ABL1: variants seen among roughly 807,000 people sequenced by gnomAD.
The protein encoded by ABL1 is ABL proto-oncogene 1, non-receptor tyrosine kinase.
ABL1 carries 11 observed loss-of-function variants against 94.7 expected under a neutral mutation model. That is an observed-to-expected ratio of 0.12 (90% CI 0.07 to 0.19). ABL1 has a LOEUF of 0.19. Ranked by LOEUF, ABL1 falls within the 10% of genes least tolerant of loss-of-function variation. The probability of loss-of-function intolerance (pLI) is 1.00; values close to 1 mark genes in which losing one functional copy is unlikely to be tolerated. For missense variants in ABL1, 1,082 were observed against 1,489.4 expected, an observed-to-expected ratio of 0.73 and a Z score of 4.50; for synonymous variants, 656 against 622.4, an observed-to-expected ratio of 1.05 and a Z score of -0.80.
chr9:130,873,330 A>G (rs1831285170), intron 6 of ABL1, among the ~76,000 whole-genome samples: 1 of 152,254 alleles, frequency 6.6e-6, no homozygotes, highest in Non-Finnish European at 1.5e-5. Context: ...GGAATATTAA[A>G]TGAAGTTCAT....
At chr9:130,845,775 GTC>G (rs1357213555) in intron 1 of ABL1, among the ~76,000 whole-genome samples, 19 of 152,030 alleles carry the variant, frequency 1.2e-4, no homozygotes, top group Middle Eastern at 3.2e-3. Context: ...GTTTCAAAAA[GTC>G]TTTTGAGGAC....
In ABL1 at chr9:130,854,794, T is replaced by C; in HGVS notation, c.254-7T>C. ...TGATATGTCTGATTTGGTTCCTTTCTTCTCAGGTGAAAAGCTCCGGGTCTT... is the reference window on the plus strand; with the variant it reads ...TGATATGTCTGATTTGGTTCCTTTCCTCTCAGGTGAAAAGCTCCGGGTCTT... On this transcript the variant is annotated splice_region_variant and splice_polypyrimidine_tract_variant and intron_variant, in intron 2 of 10. Coordinates refer to ENST00000318560, the MANE Select transcript of ABL1 (RefSeq NM_005157.6). 6.2e-7 allele frequency: 1 copy of C among 1,610,402 alleles called. No individual in the cohort carries two copies. Among genetic ancestry groups the C allele is most frequent in the Non-Finnish European group, 8.5e-7 (1 of 1,177,164 alleles).
At chr9:130,844,533 C>T (rs1830731121) in intron 1 of ABL1, among the ~76,000 whole-genome samples, 1 of 151,512 alleles carries the variant, frequency 6.6e-6, no homozygotes, top group African/African-American at 2.4e-5. Flanking sequence ...GGGACAGGGA[C>T]TGTGTATCTT....
intron 1 of ABL1, among the ~76,000 whole-genome samples, chr9:130,792,802 G>A (rs150762702): frequency 1.8e-3 from 272 of 152,276 alleles, no homozygotes; most frequent in Non-Finnish European, 3.1e-3. Flanking sequence ...TAATCACTAA[G>A]TTAGAAAGTG....
At chr9:130,839,908 GA>G (rs1370763066) in intron 1 of ABL1, among the ~76,000 whole-genome samples, 2 of 152,172 alleles carry the variant, frequency 1.3e-5, no homozygotes, top group African/African-American at 4.8e-5. Flanking sequence ...AGCCAGTCTG[GA>G]CCCAAATGCC....
intron 10 of ABL1, among the ~76,000 whole-genome samples, chr9:130,881,897 A>C (rs561655219): frequency 2.6e-5 from 4 of 152,176 alleles, no homozygotes; most frequent in African/African-American, 7.2e-5. Flanking sequence ...ACAAAAAAAA[A>C]CAGAACATGC....
chr9:130,752,283 C>T (rs1300485630), intron 1 of ABL1, among the ~76,000 whole-genome samples: 1 of 152,158 alleles, frequency 6.6e-6, no homozygotes, highest in Admixed American at 6.5e-5. Context: ...TGTTATTTCA[C>T]TTCTGTAACC....
intron 1 of ABL1, among the ~76,000 whole-genome samples, chr9:130,749,187 C>T (rs1831924450): frequency 6.6e-6 from 1 of 152,036 alleles, no homozygotes; most frequent in Non-Finnish European, 1.5e-5. Context: ...TCAAGTTCAA[C>T]ACAGTAGCTT....
chr9:130,883,706 C>T (rs1252485270), intron 10 of ABL1, among the ~76,000 whole-genome samples: 3 of 152,134 alleles, frequency 2.0e-5, no homozygotes, highest in Non-Finnish European at 2.9e-5. Flanking sequence ...GCCAGCTAGC[C>T]GAGAGGCCTA....
In ABL1 at chr9:130,884,699, G is replaced by GTCCAGCCCGGGC. The variant is rs768951332; in HGVS notation, c.2419_2430dup (p.Gly807_Pro810dup). ...ATGAGGTCTTCAAAGACATCATGGA[G>GTCCAGCCCGGGC]TCCAGCCCGGGCTCCAGCCCGCCCA... On this transcript the variant is annotated inframe_insertion, in exon 11 of 11. Coordinates refer to ENST00000318560, the MANE Select transcript of ABL1 (RefSeq NM_005157.6). This position sits in a 1 kb window ranked among gnomAD's most constrained non-coding sequence, Gnocchi z 5.6. The GTCCAGCCCGGGC allele has an allele frequency of 3.7e-6, 6 of 1,612,708 alleles. No individual in the cohort carries two copies. The highest frequency in any genetic ancestry group is 1.3e-5 in the African/African-American group (1 of 75,052).
At position 130,835,653 on chromosome 9, in the gene ABL1, TCTTC is replaced by T. The variant is rs1315533671; in HGVS notation, c.79+130_79+133del. 58 of 555,134 alleles carry T rather than the reference TCTTC, an allele frequency of 1.0e-4. No homozygotes were observed. The highest frequency in any genetic ancestry group is 1.7e-4 in the Non-Finnish European group (56 of 327,938). 34.4% of individuals were successfully genotyped at this position (555,134 alleles called of 1,614,324 possible). A position where few individuals can be genotyped will look rare whatever the true frequency, so the allele number is the denominator to read the frequency against. On this transcript the variant is annotated intron_variant, in intron 1 of 10. Transcript: ENST00000318560. The surrounding 1 kb of genome is among the most constrained non-coding windows in gnomAD (Gnocchi z 4.6). ...CCCCGGGTCTTGTCTTTTTTTTCTT[TCTTC>T]CCTCTTCTCTTCTCTTCTCTTCAGT...
chr9:130,776,230 T>A lies in ABL1; in HGVS notation c.136+61775T>A, dbSNP rs150433589. 9.7e-3 allele frequency among the ~76,000 whole-genome samples: 1,484 copies of A among 152,316 alleles called. 10 individuals are homozygous for A. The highest frequency in any genetic ancestry group is 0.014 in the Non-Finnish European group (921 of 68,026). On this transcript the variant is annotated intron_variant, in intron 1 of 10. Coordinates refer to the ABL1 transcript ENST00000372348. ...GGCCTTGGGATAACAGAGCTAAACT[T>A]TAGAGTCCTGAGTCCTGTTAATACT...
Position 130,862,743 on chromosome 9 carries a change from C to G in ABL1, c.550-20C>G. ...CTTGCCTGTCTCTGTGGGCTGAAGG[C>G]TGTTCCCTGTTTCCTTCAGCTCTAC... On this transcript the variant is annotated intron_variant, in intron 3 of 10. Transcript: ENST00000318560. The surrounding 1 kb of genome is among the most constrained non-coding windows in gnomAD (Gnocchi z 5.5). The G allele has an allele frequency of 6.2e-7, 1 of 1,609,352 alleles. No individual in the cohort carries two copies. Among genetic ancestry groups the G allele is most frequent in the Non-Finnish European group, 8.5e-7 (1 of 1,177,758 alleles).
intron 1 of ABL1, among the ~76,000 whole-genome samples, chr9:130,781,153 A>G (rs1829750108): frequency 6.6e-6 from 1 of 152,278 alleles, no homozygotes; most frequent in Non-Finnish European, 1.5e-5. Flanking sequence ...TTAAAGACAT[A>G]GCACATTCTT....
intron 3 of ABL1, among the ~76,000 whole-genome samples, chr9:130,855,405 TA>T (rs34258058): frequency 0.27 from 40,356 of 151,956 alleles, 7,701 homozygotes; most frequent in African/African-American, 0.54. Flanking sequence ...ATTCTTCCTT[TA>T]AAAAAAATAT....
chr9:130,786,456 G>A (rs1161624030), intron 1 of ABL1, among the ~76,000 whole-genome samples: 1 of 152,172 alleles, frequency 6.6e-6, no homozygotes, highest in Non-Finnish European at 1.5e-5. Flanking sequence ...AACACAGAAC[G>A]CTCTCTTAGC....
At chr9:130,721,294 C>T (rs748943940) in intron 1 of ABL1, among the ~76,000 whole-genome samples, 1 of 151,666 alleles carries the variant, frequency 6.6e-6, no homozygotes, top group African/African-American at 2.4e-5. Flanking sequence ...AGAGGGATCA[C>T]GTGAACCTGG....
chr9:130,757,601 C>G (rs1023185846), intron 1 of ABL1, among the ~76,000 whole-genome samples: 2 of 129,074 alleles, frequency 1.5e-5, no homozygotes, highest in African/African-American at 5.9e-5. Flanking sequence ...TGTAGTGGTG[C>G]GATCTCAGCT....
At chr9:130,717,896 C>T (rs186349153) in intron 1 of ABL1, among the ~76,000 whole-genome samples, 169 of 151,976 alleles carry the variant, frequency 1.1e-3, no homozygotes, top group Admixed American at 1.1e-3. Context: ...GCCTCTAATC[C>T]CAGCTACTCA....
Sources: gnomAD v4.1 joint callset for allele counts (sites outside exome capture counted in the v4.1 genomes callset) on GRCh38, gnomAD v4.1.1 for gene constraint, Gnocchi (gnomAD v3.1) non-coding constraint, MANE v1.5 for transcripts, NCBI Gene and HGNC (gene_info 2026-07-23, HGNC 2026-07-21) for gene names.